ABCC9: variants seen among roughly 807,000 people sequenced by gnomAD.
ABCC9 encodes ATP-binding cassette sub-family C member 9.
ABCC9 carries 95 observed loss-of-function variants against 188.3 expected under a neutral mutation model. The observed-to-expected ratio is 0.50, with a 90% confidence interval of 0.43 to 0.60. The LOEUF (loss-of-function observed/expected upper bound fraction) is 0.60. Among genes scored for constraint, ABCC9 ranks in the 20% least tolerant of loss-of-function variants. The probability of loss-of-function intolerance (pLI) is 0.00; values close to 1 mark genes in which losing one functional copy is unlikely to be tolerated. For missense variants in ABCC9, 1,102 were observed against 1,876.3 expected (o/e 0.59, Z 7.62); for synonymous variants, 659 against 652.7 (o/e 1.01, Z -0.15).
At chr12:21,846,330 A>G (rs1944669169) in intron 25 of ABCC9, among the ~76,000 whole-genome samples, 1 of 152,188 alleles carries the variant, frequency 6.6e-6, no homozygotes, top group African/African-American at 2.4e-5. Context: ...ATAATGGGCT[A>G]GGAATTCCTC....
chr12:21,874,145 A>AC (rs370892092), intron 17 of ABCC9, among the ~76,000 whole-genome samples: 17 of 151,698 alleles, frequency 1.1e-4, no homozygotes, highest in South Asian at 2.1e-4. Context: ...TACAAAAAAA[A>AC]CTAAAACAGA....
At position 21,845,827 on chromosome 12, in the gene ABCC9, C is replaced by T. The variant is rs1944633062; in HGVS notation, c.2872G>A (p.Glu958Lys). The T allele has an allele frequency of 1.2e-6, 2 of 1,612,754 alleles. No individual in the cohort carries two copies. The highest frequency in any genetic ancestry group is 1.3e-5 in the African/African-American group (1 of 74,918). The part of the protein sequence containing the change: ...AQMEDEDEEE[E>K]EEEDEDDNMS... ...TTATCATCCTCATCTTCCTCCTCTT[C>T]TTCCTCTACATACAAAAAACTTTTG... The change falls in exon 26 of 40, where the codon GAA becomes AAA. Residue 958 changes from glutamate to lysine, a missense_variant. Physicochemically the swap from Glu to Lys is moderately conservative, Grantham distance 56 (BLOSUM62 1). This residue lies in a region of ABCC9 where 131 missense variants were observed against 170.2 expected (regional missense o/e 0.77). Transcript: ENST00000261200.
Position 21,837,530 on chromosome 12 carries a change from A to G in ABCC9, c.3566+548T>C, listed in dbSNP as rs554393283. ...CTTGAATAGGAAAATTGGGATAGGT[A>G]ATTTTTTGAAAGTAAACACCCTTGA... On this transcript the variant is annotated intron_variant, in intron 30 of 39. Transcript: ENST00000261200. 2.6e-5 allele frequency among the ~76,000 whole-genome samples: 4 copies of G among 152,286 alleles called. No homozygotes were observed. In the East Asian group the frequency reaches 7.7e-4, roughly 29 times the overall value.
intron 16 of ABCC9, among the ~76,000 whole-genome samples, chr12:21,879,622 G>C (rs1367738412): frequency 6.6e-6 from 1 of 151,680 alleles, no homozygotes; most frequent in South Asian, 2.1e-4. Flanking sequence ...TCAATGAAAA[G>C]AATTTTTTTT....
In ABCC9 at chr12:21,812,090, T is replaced by C. The variant is rs759385607; in HGVS notation, c.4170A>G (p.Ser1390=). ...LPLHTLRSRL[S]IILQDPILFS... is the part of the protein sequence containing the mutation. ...ATAGTATTGGATCCTGCAGAATGATTGAAAGTCTAGAACGTAGTGTGTGCA... is the reference window on the plus strand; with the variant it reads ...ATAGTATTGGATCCTGCAGAATGATCGAAAGTCTAGAACGTAGTGTGTGCA... Residue 1390 remains serine, a synonymous_variant, in exon 36 of 40, where the codon TCA becomes TCG. Coordinates refer to ENST00000261200, the MANE Select transcript of ABCC9 (RefSeq NM_020297.4). 6 of 1,613,186 alleles carry C rather than the reference T, an allele frequency of 3.7e-6. No homozygotes were observed. The highest frequency in any genetic ancestry group is 1.7e-5 in the Admixed American group (1 of 59,986).
chr12:21,820,395 A>T (rs1942968765), intron 31 of ABCC9, among the ~76,000 whole-genome samples: 1 of 152,068 alleles, frequency 6.6e-6, no homozygotes, highest in Non-Finnish European at 1.5e-5. Context: ...ATTCTTTAAA[A>T]AATGTAAGTC....
intron 7 of ABCC9, among the ~76,000 whole-genome samples, 154 bp downstream of exon 7, chr12:21,915,514 A>ATATATATATATTTTTTTTTTTTTTTTT: frequency 2.8e-4 from 1 of 3,522 alleles, no homozygotes; most frequent in Non-Finnish European, 4.7e-4. Context: ...ATATATATAT[A>ATATATATATATTTTTTTTTTTTTTTTT]TTTTTTTTTT....
chr12:21,904,768 G>A (rs1281998331), intron 12 of ABCC9, among the ~76,000 whole-genome samples: 1 of 152,186 alleles, frequency 6.6e-6, no homozygotes, highest in Non-Finnish European at 1.5e-5. Flanking sequence ...TCATTAAAAA[G>A]TCAGGAAACA....
At chr12:21,886,325 A>C (rs1946872893) in intron 15 of ABCC9, among the ~76,000 whole-genome samples, 1 of 152,110 alleles carries the variant, frequency 6.6e-6, no homozygotes, top group Non-Finnish European at 1.5e-5. Context: ...TCATCTACCC[A>C]GAAGTCAAGC....
chr12:21,803,167 C>A (rs1362246094), intron 39 of ABCC9, among the ~76,000 whole-genome samples: 1 of 151,818 alleles, frequency 6.6e-6, no homozygotes, highest in African/African-American at 2.4e-5. Flanking sequence ...CATTTGCACA[C>A]CCATGCATTT....
At chr12:21,914,550 CCA>C (rs1277020460) in intron 7 of ABCC9, among the ~76,000 whole-genome samples, 3 of 152,072 alleles carry the variant, frequency 2.0e-5, no homozygotes, top group Non-Finnish European at 4.4e-5. Flanking sequence ...TTTAATTTCT[CCA>C]AAGTGATTAT....
intron 22 of ABCC9, 106 bp from the exon 23 acceptor site, chr12:21,852,611 C>G (rs1395008264): frequency 7.7e-7 from 1 of 1,305,162 alleles, no homozygotes; most frequent in Non-Finnish European, 1.1e-6. Flanking sequence ...AATCATCCCC[C>G]AAATCTAATT....
At chr12:21,867,669 A>T (rs1945847348) in intron 18 of ABCC9, among the ~76,000 whole-genome samples, 2 of 152,182 alleles carry the variant, frequency 1.3e-5, no homozygotes, top group African/African-American at 4.8e-5. Context: ...TCATGCCAGG[A>T]AAGTCACATG....
chr12:21,805,142 A>C, intron 39 of ABCC9: 1 of 1,613,806 alleles, frequency 6.2e-7, no homozygotes, highest in Non-Finnish European at 8.5e-7. Context: ...CTACCGGAGA[A>C]TGACAGACTT....
intron 24 of ABCC9, 124 bp downstream of exon 24, chr12:21,851,973 C>A: frequency 8.7e-7 from 1 of 1,154,376 alleles, no homozygotes; most frequent in Non-Finnish European, 1.2e-6. Flanking sequence ...CTTTGGATTT[C>A]AGATAAAGAC....
chr12:21,861,790 A>T (rs936007579), intron 20 of ABCC9, among the ~76,000 whole-genome samples: 1 of 152,150 alleles, frequency 6.6e-6, no homozygotes, highest in Non-Finnish European at 1.5e-5. Flanking sequence ...AAAGTTCATG[A>T]TGAATGTAAG....
intron 5 of ABCC9, chr12:21,925,525 C>T (rs1471752738): frequency 1.4e-6 from 1 of 702,516 alleles, no homozygotes; most frequent in Non-Finnish European, 2.6e-6. Context: ...GGAAAATGTC[C>T]TTGGACTCCA....
chr12:21,936,338 T>G (rs1283426777), intron 3 of ABCC9, among the ~76,000 whole-genome samples, 195 bp downstream of exon 3: 1 of 152,200 alleles, frequency 6.6e-6, no homozygotes, highest in Non-Finnish European at 1.5e-5. Context: ...TAAGCAAGCA[T>G]GTGACCTCAA....
chr12:21,920,111 A>G (rs772520414), intron 5 of ABCC9, among the ~76,000 whole-genome samples: 1 of 152,072 alleles, frequency 6.6e-6, no homozygotes, highest in Non-Finnish European at 1.5e-5. Flanking sequence ...AAGGTCTGCT[A>G]TGAAAAACCT....
Sources: allele counts gnomAD v4.1 joint callset (sites outside exome capture counted in the v4.1 genomes callset), GRCh38; gene constraint gnomAD v4.1.1; regional missense constraint gnomAD v4.1.1; transcripts MANE v1.5; gene names NCBI Gene and HGNC (gene_info 2026-07-23, HGNC 2026-07-21).